ZNF492: variants seen among roughly 807,000 people sequenced by gnomAD.
ZNF492 encodes zinc finger protein 115 (Y20).
In ZNF492, 3 loss-of-function variants were observed where a neutral mutation model predicts 6.4. The ratio of observed to expected loss-of-function variants is 0.47; its 90% CI spans 0.21 to 1.22. The LOEUF is 1.22. Among genes scored for constraint, ZNF492 ranks in the 50% most tolerant of loss-of-function variants. The pLI is 0.22. For missense variants in ZNF492, 356 were observed against 612.5 expected (o/e 0.58, Z 4.42); for synonymous variants, 112 against 205.3 (o/e 0.55, Z 3.89).
intron 1 of ZNF492, among the ~76,000 whole-genome samples, chr19:22,649,976 C>A (rs1214020731): frequency 6.6e-6 from 1 of 152,186 alleles, no homozygotes; most frequent in African/African-American, 2.4e-5. Context: ...CCATCCAGTT[C>A]TGCACCCTTG....
chr19:22,636,805 TG>T (rs1971771370), intron 1 of ZNF492, among the ~76,000 whole-genome samples: 1 of 150,014 alleles, frequency 6.7e-6, no homozygotes, highest in African/African-American at 2.5e-5. Flanking sequence ...AGCTAATTTT[TG>T]TATTTTTAGT....
Position 22,664,142 on chromosome 19 carries a change from A to C in ZNF492, c.473A>C (p.Gln158Pro). ...KSFCMLSHLA[Q>P]HKRIHSGEKP... is the part of the protein sequence containing the mutation. ...TTTTGCATGCTTTCACACTTAGCTC[A>C]ACATAAAAGAATTCATAGTGGAGAG... The change falls in exon 4 of 4, where the codon CAA (glutamine) becomes CCA (proline). Residue 158 changes from glutamine (Q) to proline (P), a missense_variant. Physicochemically the swap from Gln to Pro is moderately conservative, Grantham distance 76 (BLOSUM62 -1). Around this residue, in one of 7 missense-constraint regions of ZNF492, gnomAD observed 196 missense variants for 219.4 expected, o/e 0.89. Transcript: ENST00000456783. 2 of 1,603,170 alleles carry C rather than the reference A, an allele frequency of 1.2e-6. No homozygotes were observed. Among genetic ancestry groups the C allele is most frequent in the Admixed American group, 3.5e-5 (2 of 57,676 alleles).
chr19:22,643,164 C>T (rs1345030434), intron 1 of ZNF492, among the ~76,000 whole-genome samples: 1 of 152,108 alleles, frequency 6.6e-6, no homozygotes, highest in Non-Finnish European at 1.5e-5. Context: ...GTTCCAGCTA[C>T]TTGGGAGGCT....
intron 3 of ZNF492, among the ~76,000 whole-genome samples, chr19:22,658,938 A>T (rs1449907849): frequency 2.0e-5 from 3 of 150,890 alleles, no homozygotes; most frequent in African/African-American, 7.4e-5. Context: ...CAGGAACTGT[A>T]ATGCCTCCAA....
At chr19:22,648,942 A>G (rs1219342856) in intron 1 of ZNF492, among the ~76,000 whole-genome samples, 1 of 152,150 alleles carries the variant, frequency 6.6e-6, no homozygotes, top group Non-Finnish European at 1.5e-5. Flanking sequence ...ATTTAAGGTT[A>G]GTATTGTTCT....
chr19:22,634,580 TC>T, intron 1 of ZNF492, 106 bp downstream of exon 1: 1 of 1,143,880 alleles, frequency 8.7e-7, no homozygotes, highest in South Asian at 1.3e-5. Context: ...GGCTCCACAA[TC>T]TGCGCCCCAA....
At chr19:22,642,801 CAG>C (rs1335574516) in intron 1 of ZNF492, among the ~76,000 whole-genome samples, 2 of 152,104 alleles carry the variant, frequency 1.3e-5, no homozygotes, top group Non-Finnish European at 2.9e-5. Flanking sequence ...AAAGTACACA[CAG>C]ATTTATTCAG....
At chr19:22,636,528 GTGTGTGTGTGTGTGTGTT>G (rs1335081728) in intron 1 of ZNF492, among the ~76,000 whole-genome samples, 1 of 151,140 alleles carries the variant, frequency 6.6e-6, no homozygotes, top group Non-Finnish European at 1.5e-5. Context: ...GTGTGTGTGT[GTGTGTGTGTGTGTGTGTT>G]TGTGTGTGTG....
At chr19:22,637,302 A>C (rs921151691) in intron 1 of ZNF492, among the ~76,000 whole-genome samples, 1 of 151,480 alleles carries the variant, frequency 6.6e-6, no homozygotes, top group Non-Finnish European at 1.5e-5. Context: ...ATTTTATTTT[A>C]TTTTTGAAGA....
intron 1 of ZNF492, among the ~76,000 whole-genome samples, chr19:22,648,911 T>TGGGGCAA (rs1971911623): frequency 6.6e-6 from 1 of 152,204 alleles, no homozygotes; most frequent in African/African-American, 2.4e-5. Flanking sequence ...GTCTTTTAAT[T>TGGGGCAA]TGGGCATTTA....
chr19:22,647,114 C>T (rs1260088139), intron 1 of ZNF492, among the ~76,000 whole-genome samples: 3 of 152,098 alleles, frequency 2.0e-5, no homozygotes, highest in Non-Finnish European at 4.4e-5. Context: ...TGGGCTCAAA[C>T]TCCTGACCTC....
At chr19:22,656,562 G>A (rs1205832218) in intron 3 of ZNF492, among the ~76,000 whole-genome samples, 1 of 152,046 alleles carries the variant, frequency 6.6e-6, no homozygotes, top group Non-Finnish European at 1.5e-5. Context: ...CACAGTAAGG[G>A]CCAAGGTCTG....
chr19:22,642,085 G>A (rs112037848), intron 1 of ZNF492, among the ~76,000 whole-genome samples: 22,897 of 152,114 alleles, frequency 0.15, 1,765 homozygotes, highest in East Asian at 0.18. Flanking sequence ...GAGCCAGCGC[G>A]CCCGGCCACG....
intron 1 of ZNF492, among the ~76,000 whole-genome samples, chr19:22,639,726 A>G (rs2145242623): frequency 6.8e-6 from 1 of 147,282 alleles, no homozygotes; most frequent in African/African-American, 2.5e-5. Context: ...AAAAAAAAAA[A>G]AGAAAAGAAA....
chr19:22,666,580 G>A lies in ZNF492; in HGVS notation c.*1315G>A, dbSNP rs1166252766. 3.9e-5 allele frequency: 6 copies of A among 152,046 alleles called. No individual in the cohort carries two copies. The highest frequency in any genetic ancestry group is 7.4e-5 in the Non-Finnish European group (5 of 68,010). The allele number at this position is 152,046 out of a possible 1,614,324, so 9.4% of individuals were successfully genotyped here. ...TATTTTTTATTAGGTGAGCATTTAT[G>A]ACCTCTTCTATGAAAGAGTAAGGAC... On this transcript the variant is annotated 3_prime_UTR_variant, in exon 4 of 4. Transcript: ENST00000456783.
chr19:22,652,846 T>A (rs1229012969), intron 1 of ZNF492, among the ~76,000 whole-genome samples: 1 of 152,192 alleles, frequency 6.6e-6, no homozygotes, highest in East Asian at 1.9e-4. Context: ...CCCAAAGTGC[T>A]GGGATTACAG....
intron 1 of ZNF492, among the ~76,000 whole-genome samples, chr19:22,651,077 C>T (rs73927076): frequency 0.081 from 12,375 of 152,108 alleles, 1,680 homozygotes; most frequent in African/African-American, 0.28. Context: ...ATGGGTTGCA[C>T]AATTCCATGG....
At chr19:22,655,050 T>A (rs1342844924) in intron 3 of ZNF492, among the ~76,000 whole-genome samples, 4 of 151,202 alleles carry the variant, frequency 2.6e-5, no homozygotes, top group African/African-American at 7.3e-5. Flanking sequence ...CCCTGCACTT[T>A]GGGAGGCCGA....
At chr19:22,642,261 A>G (rs1331234043) in intron 1 of ZNF492, among the ~76,000 whole-genome samples, 1 of 152,148 alleles carries the variant, frequency 6.6e-6, no homozygotes, top group Non-Finnish European at 1.5e-5. Flanking sequence ...TACATACGTG[A>G]AAATAAGGGA....
Sources: gnomAD v4.1 joint callset for allele counts (sites outside exome capture counted in the v4.1 genomes callset) on GRCh38, gnomAD v4.1.1 for gene constraint, gnomAD v4.1.1 regional missense constraint, MANE v1.5 for transcripts, NCBI Gene and HGNC (gene_info 2026-07-23, HGNC 2026-07-21) for gene names.